Variants in MAP3K15 observed in about 807,000 individuals in gnomAD.
MAP3K15 encodes the protein MAPK/ERK kinase kinase 15.
In MAP3K15, 124 loss-of-function variants were observed where a neutral mutation model predicts 99.5. The observed-to-expected ratio is 1.25, with a 90% CI of 1.08 to 1.45. The LOEUF (loss-of-function observed/expected upper bound fraction) is 1.45. Ranked by LOEUF, MAP3K15 falls within the 40% of genes most tolerant of loss-of-function variation. The probability of loss-of-function intolerance (pLI) is 0.00; values close to 1 mark genes in which losing one functional copy is unlikely to be tolerated. For missense variants in MAP3K15, 1,242 were observed against 1,079.7 expected, an observed-to-expected ratio of 1.15 and a Z score of -2.11; for synonymous variants, 494 against 439.6, an observed-to-expected ratio of 1.12 and a Z score of -1.55.
intron 6 of MAP3K15, among the ~76,000 whole-genome samples, chrX:19,445,149 C>G (rs2063986208): frequency 9.0e-6 from 1 of 111,334 alleles, no homozygotes; most frequent in Non-Finnish European, 1.9e-5. Context: ...CTTCTTTTCC[C>G]TATCTCATTT....
chrX:19,480,515 T>A (rs2064280695), intron 3 of MAP3K15, among the ~76,000 whole-genome samples: 2 of 109,150 alleles, frequency 1.8e-5, no homozygotes, highest in African/African-American at 6.7e-5. Context: ...ATAAATTTTT[T>A]AAAAAGGGCC....
chrX:19,446,588 A>G (rs2064000068), intron 6 of MAP3K15, among the ~76,000 whole-genome samples: 1 of 111,692 alleles, frequency 9.0e-6, no homozygotes, highest in Non-Finnish European at 1.9e-5. Context: ...CAAATTCCTT[A>G]GCTTATCAGT....
intron 1 of MAP3K15, among the ~76,000 whole-genome samples, chrX:19,506,002 G>A (rs1415318606): frequency 6.3e-5 from 7 of 110,979 alleles, no homozygotes; most frequent in East Asian, 2.8e-4. Flanking sequence ...GCACAATCTC[G>A]GCTCACTGCA....
chrX:19,441,802 C>T (rs2063961936), intron 6 of MAP3K15, among the ~76,000 whole-genome samples: 1 of 111,415 alleles, frequency 9.0e-6, no homozygotes, highest in Non-Finnish European at 1.9e-5. Flanking sequence ...CTCAGCAAAG[C>T]TGTTCCAAAC....
At chrX:19,449,719 A>G (rs2147340163) in intron 6 of MAP3K15, among the ~76,000 whole-genome samples, 1 of 109,606 alleles carries the variant, frequency 9.1e-6, no homozygotes, top group South Asian at 4.0e-4. Context: ...GCAAATACCT[A>G]TATTCAGATC....
intron 13 of MAP3K15, among the ~76,000 whole-genome samples, chrX:19,405,163 A>G (rs914592493): frequency 9.0e-6 from 1 of 111,532 alleles, no homozygotes. Context: ...ATATATGTAT[A>G]TATCACTCTT....
At chrX:19,424,319 C>CACACATATATATACAT (rs1354843069) in intron 9 of MAP3K15, among the ~76,000 whole-genome samples, 1 of 103,974 alleles carries the variant, frequency 9.6e-6, no homozygotes, top group African/African-American at 3.6e-5. Context: ...CATATATATA[C>CACACATATATATACAT]ATATATATAT....
chrX:19,418,471 G>T (rs189193238), intron 9 of MAP3K15, among the ~76,000 whole-genome samples: 1 of 110,907 alleles, frequency 9.0e-6, no homozygotes, highest in Non-Finnish European at 1.9e-5. Context: ...ATGAAATGAA[G>T]TGAGAAGTTT....
chrX:19,399,603 G>A (rs183871058), intron 14 of MAP3K15, among the ~76,000 whole-genome samples: 25 of 105,804 alleles, frequency 2.4e-4, no homozygotes, highest in Admixed American at 4.1e-4. Flanking sequence ...GCGTGGTGGC[G>A]GGTGCCTGTA....
chrX:19,449,574 T>G (rs1036718805), intron 6 of MAP3K15, among the ~76,000 whole-genome samples: 1 of 108,718 alleles, frequency 9.2e-6, no homozygotes, highest in African/African-American at 3.3e-5. Context: ...CGAGGGATGT[T>G]GCTAAACATC....
intron 1 of MAP3K15, among the ~76,000 whole-genome samples, chrX:19,502,777 G>C (rs911552133): frequency 8.9e-6 from 1 of 112,268 alleles, no homozygotes; most frequent in African/African-American, 3.2e-5. Context: ...AGCCAAGGTT[G>C]TGCCACTGCA....
intron 26 of MAP3K15, chrX:19,361,813 G>C: frequency 3.0e-6 from 1 of 334,127 alleles, no homozygotes; most frequent in Non-Finnish European, 5.2e-6. Context: ...AGTTAGTTTG[G>C]AATTTGACAT....
intron 9 of MAP3K15, among the ~76,000 whole-genome samples, chrX:19,415,760 T>C (rs908259326): frequency 8.1e-5 from 9 of 110,700 alleles, no homozygotes; most frequent in Non-Finnish European, 1.7e-4. Flanking sequence ...CATGAACACA[T>C]AAAATATATG....
chrX:19,366,794 C>T (rs1289883412), intron 25 of MAP3K15, among the ~76,000 whole-genome samples: 1 of 112,151 alleles, frequency 8.9e-6, no homozygotes, highest in East Asian at 2.8e-4. Flanking sequence ...GCACCTTATG[C>T]AGGAATGTAC....
intron 2 of MAP3K15, among the ~76,000 whole-genome samples, chrX:19,487,515 A>C (rs955563219): frequency 2.6e-4 from 29 of 112,227 alleles, no homozygotes; most frequent in African/African-American, 8.1e-4. Flanking sequence ...ATATCTAACT[A>C]TCTAATGTAA....
At chrX:19,506,906 C>T (rs1453446480) in intron 1 of MAP3K15, among the ~76,000 whole-genome samples, 2 of 112,178 alleles carry the variant, frequency 1.8e-5, no homozygotes, top group African/African-American at 6.5e-5. Flanking sequence ...CTTTTAAGAT[C>T]ACTGTGCACG....
chrX:19,433,800 T>C (rs777045243), intron 6 of MAP3K15, among the ~76,000 whole-genome samples: 1 of 112,419 alleles, frequency 8.9e-6, no homozygotes, highest in Non-Finnish European at 1.9e-5. Flanking sequence ...ATCTGTAATA[T>C]GTACATCTTT....
At chrX:19,426,105 G>A (rs2063827421) in intron 8 of MAP3K15, 126 bp downstream of exon 8, 6 of 392,043 alleles carry the variant, frequency 1.5e-5, no homozygotes, top group South Asian at 1.5e-4. Flanking sequence ...CTGGGCAACC[G>A]AGCAAGACTC....
At chrX:19,403,625 A>ATT (rs111526644) in intron 13 of MAP3K15, among the ~76,000 whole-genome samples, 1 of 95,058 alleles carries the variant, frequency 1.1e-5, no homozygotes, top group Non-Finnish European at 2.1e-5. Context: ...TGCTGAGCTA[A>ATT]TTTTTTTTTT....
Sources: gnomAD v4.1 joint callset for allele counts (sites outside exome capture counted in the v4.1 genomes callset) on GRCh38, gnomAD v4.1.1 for gene constraint, MANE v1.5 for transcripts, NCBI Gene and HGNC (gene_info 2026-07-23, HGNC 2026-07-21) for gene names.